Variants in MELK observed in about 807,000 individuals in gnomAD.
The protein encoded by MELK is maternal embryonic leucine zipper kinase.
MELK carries 81 observed loss-of-function variants against 85.0 expected under a neutral mutation model. The observed-to-expected ratio is 0.95, with a 90% CI of 0.80 to 1.15. The LOEUF is 1.15. Ranked by LOEUF, MELK falls within the 50% of genes most tolerant of loss-of-function variation. MELK has a pLI of 0.00. For synonymous variants in MELK, 252 were observed against 265.0 expected, an observed-to-expected ratio of 0.95 and a Z score of 0.48; for missense variants, 754 against 777.5, an observed-to-expected ratio of 0.97 and a Z score of 0.36.
chr9:36,573,521 T>G (rs1326258195), intron 1 of MELK, among the ~76,000 whole-genome samples: 1 of 152,144 alleles, frequency 6.6e-6, no homozygotes, highest in East Asian at 1.9e-4. Flanking sequence ...TTCTTTTTCT[T>G]CAAGACGGAG....
intron 13 of MELK, among the ~76,000 whole-genome samples, chr9:36,663,296 G>A (rs550346388): frequency 5.9e-5 from 9 of 152,050 alleles, no homozygotes; most frequent in Non-Finnish European, 1.3e-4. Flanking sequence ...GGCCAGGCTG[G>A]TCTTGTACTC....
chr9:36,671,973 G>A (rs886828136), intron 16 of MELK, among the ~76,000 whole-genome samples: 1 of 152,166 alleles, frequency 6.6e-6, no homozygotes, highest in Admixed American at 6.5e-5. Context: ...CACATTCCAA[G>A]AGGTGTGGGC....
At chr9:36,633,013 T>A in intron 9 of MELK, 89 bp from the exon 10 acceptor site, 1 of 877,026 alleles carries the variant, frequency 1.1e-6, no homozygotes, top group Admixed American at 2.3e-5. Context: ...TTACATCTGT[T>A]CTGATGCATT....
Position 36,599,460 on chromosome 9 carries a change from C to G in MELK, c.541C>G (p.Gln181Glu), listed in dbSNP as rs115586289. ...SLAYAAPELI[Q>E]GKSYLGSEAD... ...GGCTTATGCAGCACCTGAGTTAATACAAGGCAAATCATATCTTGGATCAGA... is the reference window on the plus strand; with the variant it reads ...GGCTTATGCAGCACCTGAGTTAATAGAAGGCAAATCATATCTTGGATCAGA... Residue 181 changes from glutamine (Q) to glutamate (E), a missense_variant, in exon 7 of 18, where the codon CAA (glutamine) becomes GAA (glutamate). Transcript: ENST00000298048. 4.9e-5 allele frequency: 79 copies of G among 1,611,998 alleles called. No homozygotes were observed. Among genetic ancestry groups the G allele is most frequent in the Non-Finnish European group, 6.6e-5 (78 of 1,178,344 alleles).
chr9:36,644,338 C>A (rs2136997739), intron 11 of MELK, among the ~76,000 whole-genome samples: 1 of 152,148 alleles, frequency 6.6e-6, no homozygotes, highest in African/African-American at 2.4e-5. Context: ...ACTATGTCTT[C>A]TATCACCTGT....
At chr9:36,633,278 T>G in intron 10 of MELK, 78 bp downstream of exon 10, 1 of 959,824 alleles carries the variant, frequency 1.0e-6, no homozygotes, top group Non-Finnish European at 1.6e-6. Flanking sequence ...TACAATGATG[T>G]GGTCTAAATA....
chr9:36,588,502 C>T (rs1013714679), intron 3 of MELK, among the ~76,000 whole-genome samples: 1 of 151,006 alleles, frequency 6.6e-6, no homozygotes. Flanking sequence ...GCCTCAGCCT[C>T]CCGAGTAGCT....
At chr9:36,632,968 TAA>T in intron 9 of MELK, 132 bp from the exon 10 acceptor site, 1 of 664,912 alleles carries the variant, frequency 1.5e-6, no homozygotes, top group South Asian at 1.8e-5. Flanking sequence ...AAGGCCATTT[TAA>T]AGTCTTTGAC....
At chr9:36,605,258 G>C (rs1264112286) in intron 7 of MELK, among the ~76,000 whole-genome samples, 1 of 152,048 alleles carries the variant, frequency 6.6e-6, no homozygotes, top group Non-Finnish European at 1.5e-5. Context: ...GCCCAGGCTG[G>C]AGTGCCATGG....
intron 12 of MELK, among the ~76,000 whole-genome samples, chr9:36,656,460 G>C (rs972464857): frequency 1.3e-5 from 2 of 152,090 alleles, no homozygotes; most frequent in East Asian, 3.8e-4. Flanking sequence ...TTTCTGTACT[G>C]GATGGTCAGC....
At chr9:36,635,853 A>G (rs922899661) in intron 10 of MELK, among the ~76,000 whole-genome samples, 2 of 150,424 alleles carry the variant, frequency 1.3e-5, no homozygotes, top group African/African-American at 4.9e-5. Flanking sequence ...CTGGAGTGCA[A>G]TGGCGCAGTC....
At chr9:36,676,086 T>G (rs1445782212) in intron 17 of MELK, among the ~76,000 whole-genome samples, 1 of 152,172 alleles carries the variant, frequency 6.6e-6, no homozygotes, top group Non-Finnish European at 1.5e-5. Flanking sequence ...ATCTAACATG[T>G]GACTAAATTG....
At chr9:36,612,158 C>T (rs1336706618) in intron 8 of MELK, among the ~76,000 whole-genome samples, 7 of 151,752 alleles carry the variant, frequency 4.6e-5, no homozygotes, top group Admixed American at 1.3e-4. Context: ...TGCAATGGCG[C>T]GATCTTAGCT....
At chr9:36,578,974 C>T (rs952707856) in intron 1 of MELK, among the ~76,000 whole-genome samples, 14 of 151,652 alleles carry the variant, frequency 9.2e-5, no homozygotes, top group African/African-American at 3.2e-4. Context: ...TCCCGAGTAG[C>T]TGGGATTGCA....
At chr9:36,661,126 C>T (rs1040776050) in intron 13 of MELK, among the ~76,000 whole-genome samples, 1 of 152,210 alleles carries the variant, frequency 6.6e-6, no homozygotes, top group Non-Finnish European at 1.5e-5. Context: ...TCTGCCCCCT[C>T]CAGCGGCTCC....
Position 36,594,638 on chromosome 9 carries a change from G to C in MELK, c.272G>C (p.Gly91Ala). The C allele has an allele frequency of 6.2e-7, 1 of 1,613,906 alleles. No homozygotes were observed. Among genetic ancestry groups the C allele is most frequent in the South Asian group, 1.1e-5 (1 of 91,030 alleles). The part of the protein sequence containing the change: ...KIFMVLEYCP[G>A]GELFDYIISQ... ...CCATTGCTGTTGAAGTACTGCCCTG[G>C]AGGAGAGCTGTTTGACTATATAATT... Residue 91 changes from glycine to alanine, a missense_variant, in exon 5 of 18, where the codon GGA becomes GCA. Transcript: ENST00000298048.
intron 8 of MELK, among the ~76,000 whole-genome samples, chr9:36,626,782 AC>A (rs1167070373): frequency 6.6e-6 from 1 of 151,828 alleles, no homozygotes; most frequent in Non-Finnish European, 1.5e-5. Context: ...ACATGGTGAA[AC>A]CCTATCTCTA....
intron 8 of MELK, among the ~76,000 whole-genome samples, chr9:36,613,845 C>A (rs1826279008): frequency 6.6e-6 from 1 of 152,124 alleles, no homozygotes; most frequent in African/African-American, 2.4e-5. Flanking sequence ...ACCTTGGGAA[C>A]AGGAGTCAAG....
chr9:36,648,178 G>C (rs1344333439), intron 11 of MELK, among the ~76,000 whole-genome samples: 1 of 152,062 alleles, frequency 6.6e-6, no homozygotes, highest in African/African-American at 2.4e-5. Flanking sequence ...TTAACAAAAA[G>C]GGATAAAAAG....
Sources: gnomAD v4.1 joint callset for allele counts (sites outside exome capture counted in the v4.1 genomes callset) on GRCh38, gnomAD v4.1.1 for gene constraint, MANE v1.5 for transcripts, NCBI Gene and HGNC (gene_info 2026-07-23, HGNC 2026-07-21) for gene names.